ANXA4: variants seen among roughly 807,000 people sequenced by gnomAD.
ANXA4 encodes 35-beta calcimedin.
A neutral mutation model predicts 49.8 loss-of-function variants in ANXA4; 39 were observed. That is an observed-to-expected ratio of 0.78 (90% CI 0.61 to 1.02). The LOEUF is 1.02. Among genes scored for constraint, ANXA4 ranks in the 50% least tolerant of loss-of-function variants. The pLI, the probability that ANXA4 is intolerant of heterozygous loss-of-function variation, is 0.00. For synonymous variants in ANXA4, 134 were observed against 152.5 expected, an observed-to-expected ratio of 0.88 and a Z score of 0.89; for missense variants, 360 against 410.1, an observed-to-expected ratio of 0.88 and a Z score of 1.05.
At chr2:69,802,943 T>C (rs1218489973) in intron 3 of ANXA4, among the ~76,000 whole-genome samples, 1 of 152,036 alleles carries the variant, frequency 6.6e-6, no homozygotes, top group African/African-American at 2.4e-5. Context: ...ATGCCTGTAA[T>C]CTCAGCACTT....
At chr2:69,788,022 C>A (rs761683739) in intron 2 of ANXA4, 32 bp from the exon 3 acceptor site, 2 of 1,590,172 alleles carry the variant, frequency 1.3e-6, no homozygotes, top group South Asian at 1.1e-5. Context: ...GAGAGGCTGC[C>A]TCTCAGTAAC....
intron 1 of ANXA4, among the ~76,000 whole-genome samples, chr2:69,777,146 G>A (rs4852330): frequency 2.6e-5 from 4 of 151,920 alleles, no homozygotes; most frequent in Non-Finnish European, 5.9e-5. Flanking sequence ...CTCTCCAGGC[G>A]CACGTCTTCC....
intron 3 of ANXA4, among the ~76,000 whole-genome samples, chr2:69,730,451 G>A (rs1352282230): frequency 2.6e-5 from 4 of 152,184 alleles, no homozygotes; most frequent in Admixed American, 6.5e-5. Flanking sequence ...ACAGTGAGCC[G>A]AGATTGTACC....
intron 3 of ANXA4, among the ~76,000 whole-genome samples, chr2:69,791,396 T>G (rs1295347865): frequency 6.6e-6 from 1 of 152,366 alleles, no homozygotes; most frequent in East Asian, 1.9e-4. Context: ...AAATGGATTC[T>G]TGCTGCACTG....
intron 3 of ANXA4, among the ~76,000 whole-genome samples, chr2:69,730,961 C>T (rs533800137): frequency 1.9e-4 from 29 of 152,346 alleles, no homozygotes; most frequent in African/African-American, 7.0e-4. Flanking sequence ...TCTCCACCAA[C>T]AGTTCCCCAA....
Position 69,687,452 on chromosome 2 carries a change from GA to G in ANXA4, n.767-33320del, listed in dbSNP as rs144667689. ...GAACCTGGGAGGCAGAGATTGAAGGGAACTGGGATCACTCCACTGCACTTCA... is the reference window on the plus strand; with the variant it reads ...GAACCTGGGAGGCAGAGATTGAAGGGACTGGGATCACTCCACTGCACTTCA... On this transcript the variant is annotated intron_variant and non_coding_transcript_variant, in intron 2 of 3. Transcript: ENST00000418066. Among the ~76,000 whole-genome samples, 1,027 of 151,654 alleles carry G rather than the reference GA, an allele frequency of 6.8e-3. 16 individuals are homozygous for G. Among genetic ancestry groups the G allele is most frequent in the African/African-American group, 0.024 (976 of 41,338 alleles).
intron 2 of ANXA4, among the ~76,000 whole-genome samples, chr2:69,667,377 G>A (rs1438543291): frequency 6.6e-6 from 1 of 151,826 alleles, no homozygotes; most frequent in Non-Finnish European, 1.5e-5. Flanking sequence ...GTAGTTCATG[G>A]GCATAATGAT....
At chr2:69,816,286 T>C in intron 9 of ANXA4, 92 bp downstream of exon 9, 2 of 1,045,364 alleles carry the variant, frequency 1.9e-6, no homozygotes, top group Non-Finnish European at 2.9e-6. Context: ...CCTCCTTCAG[T>C]TGGTACAAAG....
intron 2 of ANXA4, among the ~76,000 whole-genome samples, chr2:69,708,958 T>G (rs1678590817): frequency 6.6e-6 from 1 of 152,092 alleles, no homozygotes. Flanking sequence ...ATAATTTGAA[T>G]ATTATTTCTT....
chr2:69,795,115 C>T (rs1452235960), intron 3 of ANXA4, among the ~76,000 whole-genome samples: 1 of 152,160 alleles, frequency 6.6e-6, no homozygotes, highest in Non-Finnish European at 1.5e-5. Flanking sequence ...TAGCATCTTC[C>T]TGAGCCTTCC....
At chr2:69,666,271 T>A (rs1288943027) in intron 2 of ANXA4, among the ~76,000 whole-genome samples, 2 of 152,196 alleles carry the variant, frequency 1.3e-5, no homozygotes. Context: ...GGGAAATGCA[T>A]ACCAAAACCA....
rs995665093 is a variant in ANXA4 at position 69,656,400 on chromosome 2, T to C, written n.766+3118T>C. On this transcript the variant is annotated intron_variant and non_coding_transcript_variant, in intron 2 of 3. Transcript: ENST00000418066. Reference sequence around the variant, plus strand: ...ATGTGTATATATATGTGTATATATATGTATATATATGTATATATATATGTG... The same window carrying C: ...ATGTGTATATATATGTGTATATATACGTATATATATGTATATATATATGTG... Among the ~76,000 whole-genome samples, 4 of 130,892 alleles carry C rather than the reference T, an allele frequency of 3.1e-5. No homozygotes were observed. In the Admixed American group the frequency reaches 3.6e-4, roughly 12 times the overall value. The allele number at this position is 130,892 out of a possible 152,430, so 85.9% of individuals were successfully genotyped here.
intron 1 of ANXA4, among the ~76,000 whole-genome samples, chr2:69,768,627 T>C (rs1158807558): frequency 6.6e-6 from 1 of 152,190 alleles, no homozygotes; most frequent in Non-Finnish European, 1.5e-5. Flanking sequence ...ATTCAGATAA[T>C]GTGTGTTGAA....
chr2:69,692,598 A>C (rs1231918485), intron 2 of ANXA4, among the ~76,000 whole-genome samples: 1 of 152,190 alleles, frequency 6.6e-6, no homozygotes, highest in Non-Finnish European at 1.5e-5. Context: ...AGAGGAGCCC[A>C]GTCTTCATAC....
At position 69,816,026 on chromosome 2, in the gene ANXA4, A is replaced by G. The variant is rs769596357; in HGVS notation, c.535-75A>G. Reference sequence around the variant, plus strand: ...AAAACTAAGCCAGCTCAGCTCTTTGAGCTTCTGGAAATATTTGCCTGTGTC... The same window carrying G: ...AAAACTAAGCCAGCTCAGCTCTTTGGGCTTCTGGAAATATTTGCCTGTGTC... On this transcript the variant is annotated intron_variant, in intron 8 of 12. Coordinates refer to ENST00000394295, the MANE Select transcript of ANXA4 (RefSeq NM_001153.5). 35 of 1,198,236 alleles carry G rather than the reference A, an allele frequency of 2.9e-5. No homozygotes were observed. The Middle Eastern group carries it at 5.8e-4, about 20-fold the overall frequency. The allele number at this position is 1,198,236 out of a possible 1,614,324, so 74.2% of individuals were successfully genotyped here.
chr2:69,785,242 C>G (rs1036522725), intron 2 of ANXA4, among the ~76,000 whole-genome samples: 1 of 152,166 alleles, frequency 6.6e-6, no homozygotes, highest in Non-Finnish European at 1.5e-5. Flanking sequence ...ATGTGGGCCA[C>G]TATGGGCCTG....
At chr2:69,674,759 T>C (rs193261382) in intron 2 of ANXA4, among the ~76,000 whole-genome samples, 372 of 152,266 alleles carry the variant, frequency 2.4e-3, no homozygotes, top group Admixed American at 6.4e-3. Context: ...ATATAAGACA[T>C]TATCAGCCCT....
chr2:69,734,571 G>A (rs1396287028), intron 3 of ANXA4, among the ~76,000 whole-genome samples: 1 of 152,132 alleles, frequency 6.6e-6, no homozygotes, highest in Non-Finnish European at 1.5e-5. Flanking sequence ...CCCTGCTGAT[G>A]CCCAGATGTC....
chr2:69,741,680 C>A (rs1335472625), upstream of ANXA4, among the ~76,000 whole-genome samples: 1 of 152,234 alleles, frequency 6.6e-6, no homozygotes, highest in African/African-American at 2.4e-5. Context: ...TGGGGGGAAG[C>A]GCGGATTTGC....
Sources: allele counts gnomAD v4.1 joint callset (sites outside exome capture counted in the v4.1 genomes callset), GRCh38; gene constraint gnomAD v4.1.1; transcripts MANE v1.5; gene names NCBI Gene and HGNC (gene_info 2026-07-23, HGNC 2026-07-21).